Variants in TAFA1 observed in about 807,000 individuals in gnomAD.
TAFA1 encodes chemokine-like protein TAFA-1.
A neutral mutation model predicts 18.5 loss-of-function variants in TAFA1; 4 were observed. The ratio of observed to expected loss-of-function variants is 0.22; its 90% CI spans 0.11 to 0.49. The LOEUF (loss-of-function observed/expected upper bound fraction) is 0.49. Among genes scored for constraint, TAFA1 ranks in the 20% least tolerant of loss-of-function variants. TAFA1 has a pLI of 0.98. For synonymous variants in TAFA1, 56 were observed against 55.2 expected (o/e 1.01, Z -0.06); for missense variants, 147 against 169.0 (o/e 0.87, Z 0.72).
Position 68,058,118 on chromosome 3 carries a change from C to T in TAFA1, c.118+51374C>T, listed in dbSNP as rs2064558215. Among the ~76,000 whole-genome samples, 10 of 152,176 alleles carry T rather than the reference C, an allele frequency of 6.6e-5. No homozygotes were observed. In the South Asian group the frequency reaches 2.1e-3, roughly 32 times the overall value. ...TGAAGTGGAAGCAGTGATGTCTCTA[C>T]TTCTGCTGGAACTATAGTATAGATG... is the stretch of plus-strand genomic sequence containing the variant. On this transcript the variant is annotated intron_variant, in intron 2 of 4. Transcript: ENST00000478136.
intron 2 of TAFA1, among the ~76,000 whole-genome samples, chr3:68,133,977 C>T (rs2065574754): frequency 6.7e-6 from 1 of 149,554 alleles, no homozygotes; most frequent in Non-Finnish European, 1.5e-5. Context: ...TCATAATGGT[C>T]AGGACTGGAC....
intron 2 of TAFA1, among the ~76,000 whole-genome samples, chr3:68,410,705 CAAAAAAAAAAAAAA>C (rs34714719): frequency 1.4e-4 from 5 of 36,650 alleles, no homozygotes; most frequent in Admixed American, 6.2e-4. Flanking sequence ...TTTCCATAAG[CAAAAAAAAAAAAAA>C]AAAAAAAAAA....
intron 2 of TAFA1, among the ~76,000 whole-genome samples, chr3:68,045,050 T>A (rs1705240028): frequency 6.6e-6 from 1 of 152,156 alleles, no homozygotes; most frequent in South Asian, 2.1e-4. Context: ...CTCAGCTGGC[T>A]CACTTATACA....
intron 3 of TAFA1, among the ~76,000 whole-genome samples, chr3:68,431,986 T>C (rs954292023): frequency 6.6e-6 from 1 of 151,982 alleles, no homozygotes; most frequent in South Asian, 2.1e-4. Context: ...CAAAAAGTTT[T>C]ACAATGCTTT....
At chr3:68,480,247 A>T (rs2106653690) in intron 3 of TAFA1, among the ~76,000 whole-genome samples, 1 of 151,102 alleles carries the variant, frequency 6.6e-6, no homozygotes, top group East Asian at 1.9e-4. Context: ...AAAAAAAAAA[A>T]AAAAAATTAG....
At chr3:68,160,165 G>T (rs1180186262) in intron 2 of TAFA1, among the ~76,000 whole-genome samples, 1 of 152,196 alleles carries the variant, frequency 6.6e-6, no homozygotes, top group Admixed American at 6.5e-5. Flanking sequence ...AATAAATGAA[G>T]TAACTTGCCA....
At chr3:68,405,507 T>G (rs1575838971) in intron 2 of TAFA1, among the ~76,000 whole-genome samples, 3 of 145,910 alleles carry the variant, frequency 2.1e-5, no homozygotes, top group African/African-American at 7.6e-5. Flanking sequence ...AAATAGGGAG[T>G]ACAAAGGGAG....
chr3:68,510,954 T>C (rs900689734), intron 3 of TAFA1, among the ~76,000 whole-genome samples: 2 of 152,164 alleles, frequency 1.3e-5, no homozygotes, highest in Admixed American at 6.6e-5. Context: ...CTCATTACAT[T>C]CCTAAAGATT....
At chr3:68,056,859 G>C (rs1401664161) in intron 2 of TAFA1, among the ~76,000 whole-genome samples, 2 of 152,150 alleles carry the variant, frequency 1.3e-5, no homozygotes, top group African/African-American at 2.4e-5. Context: ...CAGGAATTTG[G>C]TGGGAGACTC....
intron 2 of TAFA1, among the ~76,000 whole-genome samples, chr3:68,018,954 TG>T (rs1704624635): frequency 6.6e-6 from 1 of 152,192 alleles, no homozygotes; most frequent in Non-Finnish European, 1.5e-5. Context: ...CCTACGTAGA[TG>T]GTACTGTTAT....
At chr3:68,334,740 A>G (rs1283685293) in intron 2 of TAFA1, among the ~76,000 whole-genome samples, 2 of 152,094 alleles carry the variant, frequency 1.3e-5, no homozygotes. Context: ...CTCATGTTAC[A>G]TGTCTGAGGC....
chr3:68,020,373 G>A (rs201502947), intron 2 of TAFA1, among the ~76,000 whole-genome samples: 13 of 151,840 alleles, frequency 8.6e-5, no homozygotes, highest in East Asian at 3.9e-4. Flanking sequence ...TGCTCCAGGC[G>A]TGGGCAAGTC....
At chr3:68,472,029 T>G (rs970546640) in intron 3 of TAFA1, among the ~76,000 whole-genome samples, 1 of 152,110 alleles carries the variant, frequency 6.6e-6, no homozygotes, top group East Asian at 1.9e-4. Flanking sequence ...CTTTAGGGGA[T>G]TGTTGAGAAG....
chr3:68,374,120 G>C (rs139006566), intron 2 of TAFA1, among the ~76,000 whole-genome samples: 45 of 152,226 alleles, frequency 3.0e-4, no homozygotes, highest in Non-Finnish European at 6.3e-4. Context: ...AGCTTTCTCT[G>C]CTTCTCATCC....
intron 2 of TAFA1, among the ~76,000 whole-genome samples, chr3:68,177,005 C>T (rs533314275): frequency 4.6e-5 from 7 of 152,026 alleles, no homozygotes; most frequent in South Asian, 2.1e-4. Context: ...TGGTGATCAT[C>T]GAGAACTGGT....
intron 2 of TAFA1, among the ~76,000 whole-genome samples, chr3:68,193,913 G>A (rs2066378925): frequency 6.6e-6 from 1 of 151,696 alleles, no homozygotes; most frequent in Non-Finnish European, 1.5e-5. Context: ...TGGTCTTGCT[G>A]ACCTTGGCTG....
At chr3:68,270,997 C>T (rs891211533) in intron 2 of TAFA1, among the ~76,000 whole-genome samples, 2 of 152,024 alleles carry the variant, frequency 1.3e-5, no homozygotes, top group African/African-American at 4.8e-5. Context: ...GATAGAAACC[C>T]AATCTAAACT....
intron 2 of TAFA1, among the ~76,000 whole-genome samples, chr3:68,103,928 C>G (rs781733088): frequency 6.6e-6 from 1 of 152,122 alleles, no homozygotes; most frequent in Non-Finnish European, 1.5e-5. Context: ...AAGGTAGCAT[C>G]AGGATTTGAA....
intron 2 of TAFA1, among the ~76,000 whole-genome samples, chr3:68,040,556 G>C (rs1705142136): frequency 7.1e-6 from 1 of 140,116 alleles, no homozygotes; most frequent in Admixed American, 7.0e-5. Context: ...CTGGTGGTGG[G>C]ACTAATGATC....
Sources: allele counts gnomAD v4.1 joint callset (sites outside exome capture counted in the v4.1 genomes callset), GRCh38; gene constraint gnomAD v4.1.1; transcripts MANE v1.5; gene names NCBI Gene and HGNC (gene_info 2026-07-23, HGNC 2026-07-21).